Variants in CNTNAP2 observed in about 807,000 individuals in gnomAD.
CNTNAP2 encodes contactin associated protein 2, also known as contactin-associated protein-like 2.
A neutral mutation model predicts 155.2 loss-of-function variants in CNTNAP2; 98 were observed. That is an observed-to-expected ratio of 0.63 (90% CI 0.54 to 0.75). The LOEUF (loss-of-function observed/expected upper bound fraction) is 0.75, where lower values mean the gene tolerates loss of function less well. Ranked by LOEUF, CNTNAP2 falls within the 30% of genes least tolerant of loss-of-function variation. CNTNAP2 has a pLI of 0.00. For missense variants in CNTNAP2, 1,727 were observed against 1,688.1 expected (o/e 1.02, Z -0.40); for synonymous variants, 651 against 631.2 (o/e 1.03, Z -0.47).
intron 1 of CNTNAP2, among the ~76,000 whole-genome samples, chr7:146,523,458 T>G (rs984782473): frequency 6.6e-6 from 1 of 152,050 alleles, no homozygotes; most frequent in Non-Finnish European, 1.5e-5. Context: ...TTTAAAATAT[T>G]TAAATAAAAC....
chr7:146,823,536 G>T (rs1319820004), intron 2 of CNTNAP2, among the ~76,000 whole-genome samples: 3 of 131,002 alleles, frequency 2.3e-5, no homozygotes, highest in Admixed American at 7.6e-5. Flanking sequence ...TATTTACATG[G>T]AAATATACTC....
At chr7:147,243,330 C>A (rs1005436445) in intron 8 of CNTNAP2, among the ~76,000 whole-genome samples, 1 of 151,770 alleles carries the variant, frequency 6.6e-6, no homozygotes, top group Non-Finnish European at 1.5e-5. Flanking sequence ...AATTAGAATT[C>A]TTTTGGTTAT....
At chr7:146,617,761 A>T (rs1799250337) in intron 1 of CNTNAP2, among the ~76,000 whole-genome samples, 1 of 152,328 alleles carries the variant, frequency 6.6e-6, no homozygotes, top group East Asian at 1.9e-4. Context: ...GTGAAACAAA[A>T]TATTTTTTTA....
At chr7:148,210,509 C>G (rs1795527012) in intron 18 of CNTNAP2, among the ~76,000 whole-genome samples, 1 of 152,200 alleles carries the variant, frequency 6.6e-6, no homozygotes, top group Non-Finnish European at 1.5e-5. Flanking sequence ...CCACCCGGCT[C>G]CCACACAGTC....
chr7:147,815,256 G>C (rs1283997154), intron 13 of CNTNAP2, among the ~76,000 whole-genome samples: 1 of 151,998 alleles, frequency 6.6e-6, no homozygotes, highest in African/African-American at 2.4e-5. Flanking sequence ...TCATAAGTCT[G>C]AGTTGATTCT....
At position 146,295,505 on chromosome 7, in the gene CNTNAP2, A is replaced by T. The variant is rs568209044; in HGVS notation, c.97+178532A>T. ...AGAATTGTTCTCCCAGAGTATTCAA[A>T]TTTTTAAGAGATAAAACAATTAAAA... On this transcript the variant is annotated intron_variant, in intron 1 of 23. Coordinates refer to ENST00000361727, the MANE Select transcript of CNTNAP2 (RefSeq NM_014141.6). 3.3e-5 allele frequency among the ~76,000 whole-genome samples: 5 copies of T among 152,312 alleles called. No individual in the cohort carries two copies. In the South Asian group the frequency reaches 1.0e-3, roughly 32 times the overall value.
At chr7:147,555,295 A>G (rs1231962866) in intron 11 of CNTNAP2, among the ~76,000 whole-genome samples, 2 of 152,328 alleles carry the variant, frequency 1.3e-5, no homozygotes, top group East Asian at 3.9e-4. Context: ...TAAGCCCCAT[A>G]TAAACTATAT....
At chr7:146,922,746 T>C (rs1334303148) in intron 3 of CNTNAP2, among the ~76,000 whole-genome samples, 2 of 152,128 alleles carry the variant, frequency 1.3e-5, no homozygotes, top group African/African-American at 2.4e-5. Context: ...AATAAAACTA[T>C]AGGGTTTCTT....
At chr7:147,613,901 G>A (rs776815682) in intron 12 of CNTNAP2, among the ~76,000 whole-genome samples, 1 of 152,050 alleles carries the variant, frequency 6.6e-6, no homozygotes, top group African/African-American at 2.4e-5. Context: ...GATTTTGAAG[G>A]TCTGTGTTTC....
At chr7:146,964,905 A>G (rs1047860178) in intron 3 of CNTNAP2, among the ~76,000 whole-genome samples, 2 of 100,620 alleles carry the variant, frequency 2.0e-5, no homozygotes, top group African/African-American at 6.3e-5. Flanking sequence ...GCCAGAGTTG[A>G]CCAACCCCTA....
At chr7:147,944,660 T>C (rs1386270621) in intron 14 of CNTNAP2, among the ~76,000 whole-genome samples, 1 of 152,226 alleles carries the variant, frequency 6.6e-6, no homozygotes, top group African/African-American at 2.4e-5. Context: ...TAGTCTGCCA[T>C]TGTTTTAAAT....
At position 148,118,370 on chromosome 7, in the gene CNTNAP2, T is replaced by C. The variant is rs1280448044; in HGVS notation, c.2554+82T>C. 4 of 1,453,678 alleles carry C rather than the reference T, an allele frequency of 2.8e-6. No homozygotes were observed. The East Asian group carries it at 9.3e-5, about 34-fold the overall frequency. The allele number at this position is 1,453,678 out of a possible 1,614,324, so 90.0% of individuals were successfully genotyped here. A position where few individuals can be genotyped will look rare whatever the true frequency, so the allele number is the denominator to read the frequency against. On this transcript the variant is annotated intron_variant, in intron 16 of 23. Transcript: ENST00000361727. ...TCCGGGTCCTGATTGTGGAAGGCCT[T>C]TTGATTCAAACGTGGAAGGTTTCCT... is the stretch of plus-strand genomic sequence containing the variant.
intron 3 of CNTNAP2, among the ~76,000 whole-genome samples, chr7:147,029,444 G>A (rs568594844): frequency 4.6e-4 from 70 of 152,236 alleles, no homozygotes; most frequent in African/African-American, 1.6e-3. Context: ...AGAGAGCATG[G>A]AAGAGGAGGG....
intron 13 of CNTNAP2, among the ~76,000 whole-genome samples, chr7:147,776,240 T>C (rs945325297): frequency 1.3e-5 from 2 of 150,452 alleles, no homozygotes; most frequent in African/African-American, 2.4e-5. Flanking sequence ...ATAACGAATA[T>C]GTTACAAGCA....
At chr7:146,463,761 A>G (rs973537051) in intron 1 of CNTNAP2, among the ~76,000 whole-genome samples, 6 of 152,166 alleles carry the variant, frequency 3.9e-5, no homozygotes, top group Non-Finnish European at 7.4e-5. Context: ...TTTGACAAAA[A>G]TAAGTTTTCA....
At chr7:146,772,561 C>A (rs1802313643) in intron 1 of CNTNAP2, among the ~76,000 whole-genome samples, 2 of 151,338 alleles carry the variant, frequency 1.3e-5, no homozygotes, top group African/African-American at 2.4e-5. Flanking sequence ...CCCAGCTACT[C>A]AGGAGGCTGA....
chr7:147,854,159 A>C (rs1249571581), intron 13 of CNTNAP2, among the ~76,000 whole-genome samples: 1 of 152,180 alleles, frequency 6.6e-6, no homozygotes, highest in Non-Finnish European at 1.5e-5. Context: ...TTCATAACAT[A>C]AAAATGTGCT....
At chr7:148,272,324 C>T (rs1016929428) in intron 21 of CNTNAP2, among the ~76,000 whole-genome samples, 3 of 152,122 alleles carry the variant, frequency 2.0e-5, no homozygotes, top group East Asian at 1.9e-4. Flanking sequence ...TTTTACCAGC[C>T]GAGTGATGTC....
chr7:148,043,086 T>C (rs1802708068), intron 15 of CNTNAP2, among the ~76,000 whole-genome samples: 1 of 152,232 alleles, frequency 6.6e-6, no homozygotes, highest in South Asian at 2.1e-4. Context: ...GGTTTGACAC[T>C]ACATCTCTGA....
Sources: gnomAD v4.1 joint callset for allele counts (sites outside exome capture counted in the v4.1 genomes callset) on GRCh38, gnomAD v4.1.1 for gene constraint, MANE v1.5 for transcripts, NCBI Gene and HGNC (gene_info 2026-07-23, HGNC 2026-07-21) for gene names.